Variants in RBFOX1 observed in about 807,000 individuals in gnomAD.
RBFOX1 encodes RNA binding protein fox-1 homolog 1.
In RBFOX1, 8 loss-of-function variants were observed where a neutral mutation model predicts 57.7. The observed-to-expected ratio is 0.14, with a 90% CI of 0.08 to 0.25. The LOEUF (loss-of-function observed/expected upper bound fraction) is 0.25, where lower values mean the gene tolerates loss of function less well. RBFOX1 is among the 10% of genes least tolerant of loss of function. The probability of loss-of-function intolerance (pLI) is 1.00; values close to 1 mark genes in which losing one functional copy is unlikely to be tolerated. For synonymous variants in RBFOX1, 326 were observed against 222.4 expected (o/e 1.47, Z -4.15); for missense variants, 611 against 548.5 (o/e 1.11, Z -1.14).
At chr16:6,675,018 G>T (rs1486929603) in intron 3 of RBFOX1, among the ~76,000 whole-genome samples, 2 of 152,006 alleles carry the variant, frequency 1.3e-5, no homozygotes, top group African/African-American at 2.4e-5. Flanking sequence ...CCATTCTCGT[G>T]CCTCAGCCTC....
intron 2 of RBFOX1, among the ~76,000 whole-genome samples, chr16:6,545,309 A>T (rs1012189304): frequency 6.6e-6 from 1 of 152,158 alleles, no homozygotes; most frequent in Non-Finnish European, 1.5e-5. Flanking sequence ...CTGGCCTTCA[A>T]TAAAAACCCA....
chr16:5,341,395 A>G (rs78025808), intron 1 of RBFOX1, among the ~76,000 whole-genome samples: 3,775 of 152,310 alleles, frequency 0.025, 157 homozygotes, highest in African/African-American at 0.086. Flanking sequence ...ATACTAGTCC[A>G]GGAGAGAGAT....
chr16:7,434,983 G>T (rs764586798), intron 4 of RBFOX1, among the ~76,000 whole-genome samples: 1 of 152,040 alleles, frequency 6.6e-6, no homozygotes, highest in Non-Finnish European at 1.5e-5. Flanking sequence ...TCAGTGATCC[G>T]CCTGCCTTGG....
chr16:7,526,833 T>C (rs938194960), intron 5 of RBFOX1, among the ~76,000 whole-genome samples: 1 of 152,192 alleles, frequency 6.6e-6, no homozygotes, highest in African/African-American at 2.4e-5. Flanking sequence ...AATCACTTAC[T>C]GAAGGTCACT....
At chr16:6,490,779 C>A (rs1208108996) in intron 2 of RBFOX1, among the ~76,000 whole-genome samples, 1 of 152,176 alleles carries the variant, frequency 6.6e-6, no homozygotes, top group Non-Finnish European at 1.5e-5. Flanking sequence ...GAAGTGGAAT[C>A]CATTACTGTT....
At chr16:7,047,284 A>G (rs1414466384) in intron 3 of RBFOX1, among the ~76,000 whole-genome samples, 2 of 152,050 alleles carry the variant, frequency 1.3e-5, no homozygotes, top group African/African-American at 4.8e-5. Context: ...TTTCACCTTC[A>G]TTTCTAAAGG....
chr16:6,947,143 C>T (rs927223734), intron 3 of RBFOX1, among the ~76,000 whole-genome samples: 1 of 152,118 alleles, frequency 6.6e-6, no homozygotes, highest in African/African-American at 2.4e-5. Context: ...TAACCTGGCC[C>T]ATGTTCAAGG....
rs146399785 is a variant in RBFOX1, at chr16:7,195,834, T to C, written c.27+143736T>C. Among the ~76,000 whole-genome samples the C allele has an allele frequency of 1.0e-3, 157 of 152,306 alleles. 1 individual carries two copies. The highest frequency in any genetic ancestry group is 3.6e-3 in the African/African-American group (151 of 41,568). ...TCCCAAAGTGCTGGGGTTACAGGCATGAACCACTGTGCCCAGCTCGATGCT... is the reference window on the plus strand; with the variant it reads ...TCCCAAAGTGCTGGGGTTACAGGCACGAACCACTGTGCCCAGCTCGATGCT... On this transcript the variant is annotated intron_variant, in intron 4 of 15. Coordinates refer to ENST00000550418, the MANE Select transcript of RBFOX1 (RefSeq NM_018723.4).
intron 2 of RBFOX1, among the ~76,000 whole-genome samples, chr16:5,529,517 C>T (rs1489098236): frequency 6.6e-6 from 1 of 151,664 alleles, no homozygotes; most frequent in African/African-American, 2.4e-5. Flanking sequence ...CTGCCTCAGC[C>T]TCCCATGTAG....
chr16:7,413,613 T>C (rs940088725), intron 4 of RBFOX1, among the ~76,000 whole-genome samples: 1 of 152,084 alleles, frequency 6.6e-6, no homozygotes, highest in Non-Finnish European at 1.5e-5. Flanking sequence ...CCTGCCCCTT[T>C]GCTTGTCCTC....
intron 4 of RBFOX1, among the ~76,000 whole-genome samples, chr16:7,226,093 C>A (rs2093097893): frequency 6.6e-6 from 1 of 152,018 alleles, no homozygotes; most frequent in Non-Finnish European, 1.5e-5. Flanking sequence ...TCACCCTCAA[C>A]TCAGGACTGA....
intron 3 of RBFOX1, among the ~76,000 whole-genome samples, chr16:6,997,779 A>G (rs527247643): frequency 5.3e-5 from 8 of 152,148 alleles, no homozygotes; most frequent in African/African-American, 9.7e-5. Context: ...AGACTACTCA[A>G]TTCCCTGTTT....
intron 2 of RBFOX1, among the ~76,000 whole-genome samples, chr16:5,500,498 A>G (rs2043156665): frequency 6.6e-6 from 1 of 152,142 alleles, no homozygotes; most frequent in Non-Finnish European, 1.5e-5. Context: ...TTGGGATTAC[A>G]GGTGTGAGCC....
intron 4 of RBFOX1, among the ~76,000 whole-genome samples, chr16:7,137,379 G>A (rs1382721570): frequency 6.6e-6 from 1 of 152,110 alleles, no homozygotes; most frequent in African/African-American, 2.4e-5. Flanking sequence ...GAATTGTGGG[G>A]GTAGTTTCCC....
intron 3 of RBFOX1, among the ~76,000 whole-genome samples, chr16:5,763,961 C>T (rs571908759): frequency 2.0e-5 from 3 of 152,298 alleles, no homozygotes; most frequent in South Asian, 2.1e-4. Flanking sequence ...CCTGTTTACT[C>T]GTCTATCTCC....
At chr16:7,661,182 A>G (rs1202435990) in intron 12 of RBFOX1, among the ~76,000 whole-genome samples, 1 of 152,134 alleles carries the variant, frequency 6.6e-6, no homozygotes, top group Non-Finnish European at 1.5e-5. Flanking sequence ...GGATGGCTAC[A>G]TTGCTTCCAC....
chr16:7,083,351 G>A (rs376524926), intron 4 of RBFOX1, among the ~76,000 whole-genome samples: 2 of 151,972 alleles, frequency 1.3e-5, no homozygotes, highest in Non-Finnish European at 2.9e-5. Flanking sequence ...CTTGCAGAGG[G>A]ACCACATGTT....
chr16:6,216,898 G>A (rs1470949074), intron 1 of RBFOX1, among the ~76,000 whole-genome samples: 1 of 151,674 alleles, frequency 6.6e-6, no homozygotes, highest in Non-Finnish European at 1.5e-5. Flanking sequence ...TCCCTTGGAA[G>A]CTCTTCTTTG....
chr16:7,084,716 G>C (rs1035778566), intron 4 of RBFOX1, among the ~76,000 whole-genome samples: 1 of 152,184 alleles, frequency 6.6e-6, no homozygotes, highest in Non-Finnish European at 1.5e-5. Flanking sequence ...CCGTAATGTA[G>C]AATAGGTGAC....
Sources: allele counts gnomAD v4.1 joint callset (sites outside exome capture counted in the v4.1 genomes callset), GRCh38; gene constraint gnomAD v4.1.1; transcripts MANE v1.5; gene names NCBI Gene and HGNC (gene_info 2026-07-23, HGNC 2026-07-21).